The following ABCA6 variants were observed in gnomAD, a reference collection of about 807,000 sequenced individuals.
The protein encoded by ABCA6 is ATP binding cassette subfamily A member 6, also known as ATP-binding cassette sub-family A member 6.
In ABCA6, 164 loss-of-function variants were observed where a neutral mutation model predicts 191.2. That is an observed-to-expected ratio of 0.86 (90% CI 0.76 to 0.98). ABCA6 has a LOEUF of 0.98. ABCA6 is among the 50% of genes least tolerant of loss of function. The pLI is 0.00. For missense variants in ABCA6, 1,958 were observed against 1,894.1 expected (o/e 1.03, Z -0.63); for synonymous variants, 636 against 647.7 (o/e 0.98, Z 0.27).
intron 14 of ABCA6, 24 bp from the exon 15 acceptor site, chr17:69,113,384 A>T: frequency 6.3e-7 from 1 of 1,577,118 alleles, no homozygotes; most frequent in Non-Finnish European, 8.6e-7. Flanking sequence ...AGATATATAA[A>T]ATATGTCTCT....
intron 6 of ABCA6, among the ~76,000 whole-genome samples, chr17:69,132,323 T>C (rs1454971505): frequency 6.6e-6 from 1 of 152,198 alleles, no homozygotes; most frequent in African/African-American, 2.4e-5. Context: ...TTTTCCTTTT[T>C]TACTTTTTCT....
chr17:69,096,732 C>A lies in ABCA6; in HGVS notation c.3190G>T (p.Val1064Leu). 6.3e-7 allele frequency: 1 copy of A among 1,591,268 alleles called. No individual in the cohort carries two copies. Among genetic ancestry groups the A allele is most frequent in the South Asian group, 1.2e-5 (1 of 86,450 alleles). The change falls in exon 24 of 39, where the codon GTG (valine) becomes TTG (leucine). Residue 1064 changes from valine (V) to leucine (L), a missense_variant. Coordinates refer to ENST00000284425, the MANE Select transcript of ABCA6 (RefSeq NM_080284.3). ...TSAYWCGQAL[V>L]DVSFFILILL... ...ATTAAAATGAAGAAGCTGACGTCCACTAGTGCCTGCCCACACCAGTAAGCA... is the reference window on the plus strand; with the variant it reads ...ATTAAAATGAAGAAGCTGACGTCCAATAGTGCCTGCCCACACCAGTAAGCA...
chr17:69,110,662 A>G (rs1233088145), intron 17 of ABCA6, 139 bp downstream of exon 17: 1 of 974,254 alleles, frequency 1.0e-6, no homozygotes, highest in East Asian at 2.7e-5. Context: ...GTGGCACTCA[A>G]TCCTTCCTCT....
intron 8 of ABCA6, among the ~76,000 whole-genome samples, chr17:69,126,484 T>C (rs1022206414): frequency 6.6e-6 from 1 of 151,844 alleles, no homozygotes; most frequent in Non-Finnish European, 1.5e-5. Context: ...ACCAACTCTC[T>C]ACAACAATTA....
intron 29 of ABCA6, 117 bp from the exon 30 acceptor site, chr17:69,086,852 T>C (rs991957677): frequency 8.0e-6 from 5 of 627,524 alleles, no homozygotes; most frequent in Admixed American, 2.8e-5. Context: ...GAGTAATTCA[T>C]GCTGCTAAAT....
At chr17:69,087,203 A>G (rs559424667) in intron 29 of ABCA6, 150 bp downstream of exon 29, 11 of 926,066 alleles carry the variant, frequency 1.2e-5, no homozygotes, top group African/African-American at 3.4e-5. Context: ...TGCCTTGATT[A>G]TGCAGATACT....
At chr17:69,107,079 T>C (rs1367067785) in intron 18 of ABCA6, among the ~76,000 whole-genome samples, 5 of 152,180 alleles carry the variant, frequency 3.3e-5, no homozygotes, top group African/African-American at 1.2e-4. Context: ...AACTACCAGA[T>C]CTGTACATGT....
chr17:69,127,210 A>G (rs1027830559), intron 8 of ABCA6, among the ~76,000 whole-genome samples: 2 of 152,174 alleles, frequency 1.3e-5, no homozygotes, highest in East Asian at 3.9e-4. Context: ...ACAGCCAGAA[A>G]ATATCTTTGT....
chr17:69,134,673 G>A lies in ABCA6; in HGVS notation c.530C>T (p.Ala177Val), dbSNP rs764004855. 3 of 1,613,492 alleles carry A rather than the reference G, an allele frequency of 1.9e-6. No homozygotes were observed. The highest frequency in any genetic ancestry group is 2.5e-6 in the Non-Finnish European group (3 of 1,179,788). ...LTKYWNRGFV[A>V]LQTAINTAII... is the part of the protein sequence containing the mutation. ...GGCAGTATTAATAGCTGTTTGTAAA[G>A]CCACAAATCCTCTATTCCAGTATTT... is the stretch of plus-strand genomic sequence containing the variant. Residue 177 changes from alanine (A) to valine (V), a missense_variant, in exon 5 of 39, where the codon GCT becomes GTT. Transcript: ENST00000284425.
chr17:69,105,435 G>T, intron 20 of ABCA6, 27 bp downstream of exon 20: 1 of 1,574,764 alleles, frequency 6.4e-7, no homozygotes, highest in Non-Finnish European at 8.6e-7. Flanking sequence ...ACTTATTTCT[G>T]GATTTAAATT....
At chr17:69,115,058 ATTC>A in intron 12 of ABCA6, 121 bp from the exon 13 acceptor site, 1 of 766,792 alleles carries the variant, frequency 1.3e-6, no homozygotes, top group Non-Finnish European at 2.0e-6. Flanking sequence ...GTGAACTACT[ATTC>A]TTGACATAAA....
intron 25 of ABCA6, 44 bp from the exon 26 acceptor site, chr17:69,091,306 C>G: frequency 6.3e-7 from 1 of 1,594,120 alleles, no homozygotes; most frequent in Admixed American, 1.7e-5. Context: ...ATACTCAACC[C>G]ATTGATATTT....
chr17:69,110,701 TA>T (rs1483010989), intron 17 of ABCA6, 99 bp downstream of exon 17: 3 of 1,401,766 alleles, frequency 2.1e-6, no homozygotes, highest in African/African-American at 1.5e-5. Context: ...TGGCCAAAAC[TA>T]AGAAAAAGTC....
Position 69,086,632 on chromosome 17 carries a change from A to T in ABCA6, c.3923T>A (p.Phe1308Tyr). ...KKKIAARNIS[F>Y]CVQEGEILGL... ...TTATTACAGACCTTCTTGAACACAG[A>T]AAGAGATATTTCTTGCTGCTATTTT... Residue 1308 changes from phenylalanine to tyrosine, a missense_variant, in exon 30 of 39, where the codon TTC becomes TAC. Phe to Tyr is a conservative substitution (Grantham distance 22, BLOSUM62 3). Coordinates refer to ENST00000284425, the MANE Select transcript of ABCA6 (RefSeq NM_080284.3). 1 of 1,609,572 alleles carries T rather than the reference A, an allele frequency of 6.2e-7. No individual in the cohort carries two copies. The highest frequency in any genetic ancestry group is 8.5e-7 in the Non-Finnish European group (1 of 1,176,390).
chr17:69,114,883 A>T lies in ABCA6; in HGVS notation c.1661T>A (p.Ile554Asn). 1 of 1,612,456 alleles carries T rather than the reference A, an allele frequency of 6.2e-7. No homozygotes were observed. The part of the protein sequence containing the change: ...NLSEMQDLEE[I>N]RKITGVCPQF... ...AGGACAGACGCCAGTTATCTTTCTG[A>T]TTTCCTCCAAGTCTTGCATTTCAGA... Residue 554 changes from isoleucine (I) to asparagine (N), a missense_variant, in exon 13 of 39, where the codon ATC (isoleucine) becomes AAC (asparagine). By Grantham distance (149) the Ile-to-Asn change is moderately radical (BLOSUM62 -3). Coordinates refer to ENST00000284425, the MANE Select transcript of ABCA6 (RefSeq NM_080284.3).
intron 2 of ABCA6, among the ~76,000 whole-genome samples, chr17:69,138,818 C>G (rs1199771608): frequency 6.7e-6 from 1 of 150,202 alleles, no homozygotes; most frequent in Non-Finnish European, 1.5e-5. Context: ...TGATCTTTGA[C>G]AAACCTGAGA....
intron 9 of ABCA6, 62 bp from the exon 10 acceptor site, chr17:69,123,469 T>C: frequency 8.3e-7 from 1 of 1,211,194 alleles, no homozygotes; most frequent in South Asian, 2.9e-5. Flanking sequence ...CAAAGAAGCC[T>C]TGCTAACAAC....
At chr17:69,089,660 T>G (rs1019669816) in intron 26 of ABCA6, 118 bp from the exon 27 acceptor site, 8 of 808,076 alleles carry the variant, frequency 9.9e-6, no homozygotes, top group Admixed American at 5.5e-5. Context: ...TCAATTTCTT[T>G]GTGTGCACTA....
chr17:69,129,882 C>A, intron 6 of ABCA6, 131 bp from the exon 7 acceptor site: 1 of 638,032 alleles, frequency 1.6e-6, no homozygotes, highest in Non-Finnish European at 2.6e-6. Flanking sequence ...TACTGTTAAT[C>A]CTACAGCAGA....
Sources: gnomAD v4.1 joint callset for allele counts (sites outside exome capture counted in the v4.1 genomes callset) on GRCh38, gnomAD v4.1.1 for gene constraint, MANE v1.5 for transcripts, NCBI Gene and HGNC (gene_info 2026-07-23, HGNC 2026-07-21) for gene names.